The following DYSF variants were observed in gnomAD, a reference collection of about 807,000 sequenced individuals.
DYSF encodes dystrophy-associated fer-1-like 1.
DYSF carries 212 observed loss-of-function variants against 274.9 expected under a neutral mutation model. That is an observed-to-expected ratio of 0.77 (90% confidence interval 0.69 to 0.86). The LOEUF is 0.86. Ranked by LOEUF, DYSF falls within the 40% of genes least tolerant of loss-of-function variation. The pLI, the probability that DYSF is intolerant of heterozygous loss-of-function variation, is 0.00. For synonymous variants in DYSF, 1,091 were observed against 1,078.7 expected, an observed-to-expected ratio of 1.01 and a Z score of -0.22; for missense variants, 2,666 against 2,783.2, an observed-to-expected ratio of 0.96 and a Z score of 0.95.
chr2:71,665,704 T>C (rs933377733), intron 47 of DYSF, among the ~76,000 whole-genome samples: 14 of 152,178 alleles, frequency 9.2e-5, no homozygotes, highest in African/African-American at 3.4e-4. Flanking sequence ...TCTACTTGAA[T>C]TGCACCAGCC....
chr2:71,560,621 AT>A (rs1379438034), intron 22 of DYSF, among the ~76,000 whole-genome samples: 5 of 152,248 alleles, frequency 3.3e-5, no homozygotes, highest in African/African-American at 1.2e-4. Flanking sequence ...ATTAAAAAAA[AT>A]AACAGGAAAA....
intron 17 of DYSF, chr2:71,549,374 C>T: frequency 6.2e-7 from 1 of 1,612,570 alleles, no homozygotes; most frequent in Non-Finnish European, 8.5e-7. Context: ...GCTGTCAAGC[C>T]TTCGAAAGCC....
intron 24 of DYSF, among the ~76,000 whole-genome samples, chr2:71,564,545 G>A (rs1170023109): frequency 1.3e-5 from 2 of 152,162 alleles, no homozygotes; most frequent in African/African-American, 4.8e-5. Flanking sequence ...TTATAGGGAG[G>A]CCTCATCCTC....
At chr2:71,489,740 G>A (rs1329104175) in intron 3 of DYSF, among the ~76,000 whole-genome samples, 2 of 152,128 alleles carry the variant, frequency 1.3e-5, no homozygotes, top group Admixed American at 6.5e-5. Flanking sequence ...GTACTGGGAG[G>A]GGCAGGTATT....
intron 29 of DYSF, among the ~76,000 whole-genome samples, chr2:71,572,024 CAT>C (rs1490468980): frequency 1.2e-4 from 16 of 132,154 alleles, no homozygotes; most frequent in Admixed American, 1.0e-3. Context: ...AGCACACACA[CAT>C]TACACCTAGC....
intron 44 of DYSF, among the ~76,000 whole-genome samples, chr2:71,659,758 A>G (rs1222246449): frequency 6.6e-6 from 1 of 152,062 alleles, no homozygotes; most frequent in African/African-American, 2.4e-5. Flanking sequence ...AGGAGTCTGG[A>G]GTTATGGGGA....
intron 14 of DYSF, among the ~76,000 whole-genome samples, chr2:71,534,604 T>G (rs1306034226): frequency 6.6e-6 from 1 of 152,162 alleles, no homozygotes; most frequent in Non-Finnish European, 1.5e-5. Flanking sequence ...TCTTCCTACA[T>G]GGTGGATGAT....
At chr2:71,675,508 C>G (rs933980463) in intron 52 of DYSF, among the ~76,000 whole-genome samples, 1 of 152,152 alleles carries the variant, frequency 6.6e-6, no homozygotes, top group African/African-American at 2.4e-5. Flanking sequence ...TTCTGAGGCG[C>G]GGCTTCCGGC....
chr2:71,635,955 G>A (rs1441371711), intron 41 of DYSF, among the ~76,000 whole-genome samples: 4 of 152,066 alleles, frequency 2.6e-5, no homozygotes, highest in Non-Finnish European at 5.9e-5. Flanking sequence ...GGGAAATAAT[G>A]AGGGTGAGAC....
At chr2:71,481,538 G>C (rs907739466) in intron 2 of DYSF, among the ~76,000 whole-genome samples, 3 of 152,224 alleles carry the variant, frequency 2.0e-5, no homozygotes, top group Non-Finnish European at 2.9e-5. Context: ...ATGCTTCAGG[G>C]TCACCTGGCT....
chr2:71,674,745 A>G (rs1328773718), intron 52 of DYSF, among the ~76,000 whole-genome samples: 2 of 152,158 alleles, frequency 1.3e-5, no homozygotes, highest in Admixed American at 1.3e-4. Flanking sequence ...ACAGGGTTCT[A>G]GTGGGAAGGG....
rs1284634625 is a variant in DYSF, at chr2:71,615,623, C to T, written c.4464+2213C>T. On this transcript the variant is annotated intron_variant, in intron 40 of 55. Coordinates refer to ENST00000410020, the MANE Select transcript of DYSF (RefSeq NM_001130987.2). This position sits in a 1 kb window ranked among gnomAD's most constrained non-coding sequence, Gnocchi z 4.9. ...GCTGATCCAGGAAATCTTTCACTCA[C>T]TCGCCTCTCCTCCCTGTCCCTGGCA... Among the ~76,000 whole-genome samples, 1 of 152,186 alleles carries T rather than the reference C, an allele frequency of 6.6e-6. No homozygotes were observed. Among genetic ancestry groups the T allele is most frequent in the Non-Finnish European group, 1.5e-5 (1 of 68,036 alleles).
chr2:71,534,882 G>A, intron 14 of DYSF, 139 bp from the exon 15 acceptor site: 1 of 815,280 alleles, frequency 1.2e-6, no homozygotes, highest in Non-Finnish European at 2.1e-6. Flanking sequence ...CCTGCACTAG[G>A]CCCCAACCCC....
intron 51 of DYSF, among the ~76,000 whole-genome samples, chr2:71,670,723 A>C (rs2095104985): frequency 6.6e-6 from 1 of 152,216 alleles, no homozygotes; most frequent in Non-Finnish European, 1.5e-5. Flanking sequence ...GAGGACAGCC[A>C]GCCTCTTCCT....
At chr2:71,496,321 C>T (rs2084386263) in intron 3 of DYSF, among the ~76,000 whole-genome samples, 3 of 152,096 alleles carry the variant, frequency 2.0e-5, no homozygotes, top group Admixed American at 2.0e-4. Flanking sequence ...AGTGGGAGGC[C>T]ACGCTGTGCA....
At chr2:71,566,635 G>A (rs1157005667) in intron 24 of DYSF, among the ~76,000 whole-genome samples, 4 of 152,152 alleles carry the variant, frequency 2.6e-5, no homozygotes, top group East Asian at 1.9e-4. Context: ...GGAGAGAGCC[G>A]GGGGTGGATG....
At chr2:71,643,813 C>T (rs1049025845) in intron 41 of DYSF, 152 bp from the exon 42 acceptor site, 10 of 708,098 alleles carry the variant, frequency 1.4e-5, no homozygotes, top group Admixed American at 6.1e-5. Context: ...CCAGGAGAGG[C>T]GGAGGTTTCC....
intron 17 of DYSF, among the ~76,000 whole-genome samples, chr2:71,540,105 T>G (rs1230863201): frequency 4.1e-5 from 6 of 146,740 alleles, no homozygotes; most frequent in Non-Finnish European, 5.9e-5. Context: ...AGATTTCAAC[T>G]TTTTTTTTCT....
At chr2:71,520,977 AC>A in intron 12 of DYSF, 73 bp downstream of exon 12, 1 of 1,263,950 alleles carries the variant, frequency 7.9e-7, no homozygotes, top group Non-Finnish European at 1.1e-6. Flanking sequence ...CAAACCACAA[AC>A]AAAAACTCTA....
Sources: gnomAD v4.1 joint callset for allele counts (sites outside exome capture counted in the v4.1 genomes callset) on GRCh38, gnomAD v4.1.1 for gene constraint, Gnocchi (gnomAD v3.1) non-coding constraint, MANE v1.5 for transcripts, NCBI Gene and HGNC (gene_info 2026-07-23, HGNC 2026-07-21) for gene names.